ENTPD1: variants seen among roughly 807,000 people sequenced by gnomAD.
ENTPD1 encodes ATP diphosphohydrolase.
A neutral mutation model predicts 57.0 loss-of-function variants in ENTPD1; 33 were observed. The observed-to-expected ratio is 0.58, with a 90% CI of 0.44 to 0.77. The LOEUF (loss-of-function observed/expected upper bound fraction) is 0.77. Among genes scored for constraint, ENTPD1 ranks in the 30% least tolerant of loss-of-function variants. The probability of loss-of-function intolerance (pLI) is 0.00; values close to 1 mark genes in which losing one functional copy is unlikely to be tolerated. For missense variants in ENTPD1, 501 were observed against 603.4 expected (o/e 0.83, Z 1.78); for synonymous variants, 202 against 218.8 (o/e 0.92, Z 0.68).
chr10:95,859,272 G>C (rs1267435418), intron 7 of ENTPD1, among the ~76,000 whole-genome samples: 5 of 152,178 alleles, frequency 3.3e-5, no homozygotes, highest in Admixed American at 2.0e-4. Flanking sequence ...TCATCTCTGA[G>C]TCACAGTGAG....
At chr10:95,809,487 G>T (rs1196828209) in intron 1 of ENTPD1, among the ~76,000 whole-genome samples, 1 of 138,902 alleles carries the variant, frequency 7.2e-6, no homozygotes, top group Non-Finnish European at 1.6e-5. Context: ...GGGCGGCCGG[G>T]CAGAGGCACC....
At chr10:95,833,430 GT>G (rs1356805561) in intron 2 of ENTPD1, 75 of 152,290 alleles carry the variant, frequency 4.9e-4, no homozygotes, top group African/African-American at 1.8e-3. Flanking sequence ...AGCTAATCTG[GT>G]TTGTTTATAG....
intron 1 of ENTPD1, among the ~76,000 whole-genome samples, chr10:95,819,175 T>C (rs2098340005): frequency 6.6e-6 from 1 of 152,178 alleles, no homozygotes; most frequent in East Asian, 1.9e-4. Flanking sequence ...TTTGTTTGTT[T>C]GTTTTGGAGA....
chr10:95,821,996 CT>C (rs71034351), intron 1 of ENTPD1, among the ~76,000 whole-genome samples: 441 of 92,906 alleles, frequency 4.7e-3, no homozygotes, highest in African/African-American at 8.4e-3. Context: ...TAGCTTTTGC[CT>C]TTTTTTTTTT....
At position 95,873,222 on chromosome 10, in the gene ENTPD1, T is replaced by A. The variant is rs1029773261; in HGVS notation, c.*6839T>A. The A allele has an allele frequency of 1.0e-6, 1 of 985,310 alleles. No individual in the cohort carries two copies. Among genetic ancestry groups the A allele is most frequent in the Non-Finnish European group, 1.2e-6 (1 of 829,926 alleles). 61.0% of individuals were successfully genotyped at this position (985,310 alleles called of 1,614,324 possible). ...ATTCCAAAGAGTTTCTTTTACAGGCTCTCAGATCAGTGTTCATCCACTACC... is the reference window on the plus strand; with the variant it reads ...ATTCCAAAGAGTTTCTTTTACAGGCACTCAGATCAGTGTTCATCCACTACC... On this transcript the variant is annotated 3_prime_UTR_variant, in exon 10 of 10. Transcript: ENST00000371205.
In ENTPD1 at chr10:95,823,298, C is replaced by T; in HGVS notation, c.78C>T (p.Ile26=). The part of the protein sequence containing the change: ...NILAILGFSS[I]IAVIALLAVG... ...TAGCCATCCTTGGCTTCTCCTCTAT[C>T]ATAGCTGTGATAGCTTTGCTTGCTG... The change falls in exon 2 of 10, where the codon ATC becomes ATT. Residue 26 remains isoleucine (I), a synonymous_variant. Coordinates refer to ENST00000371205, the MANE Select transcript of ENTPD1 (RefSeq NM_001776.6). The T allele has an allele frequency of 6.8e-6, 11 of 1,614,194 alleles. No individual in the cohort carries two copies. The highest frequency in any genetic ancestry group is 9.3e-6 in the Non-Finnish European group (11 of 1,180,026).
intron 1 of ENTPD1, among the ~76,000 whole-genome samples, chr10:95,789,748 C>T (rs552599746): frequency 5.3e-5 from 8 of 152,246 alleles, no homozygotes; most frequent in Admixed American, 2.0e-4. Context: ...CCATGCATGA[C>T]ACCACTTACA....
intron 4 of ENTPD1, among the ~76,000 whole-genome samples, chr10:95,842,998 T>C (rs2098425710): frequency 6.6e-6 from 1 of 152,246 alleles, no homozygotes; most frequent in Non-Finnish European, 1.5e-5. Flanking sequence ...TCAGTTTCAA[T>C]GCAGGGTGAT....
chr10:95,822,603 C>T (rs1437384275), intron 1 of ENTPD1, among the ~76,000 whole-genome samples: 1 of 152,186 alleles, frequency 6.6e-6, no homozygotes, highest in Non-Finnish European at 1.5e-5. Flanking sequence ...CCACTTTTGC[C>T]TTTTATATAA....
intron 1 of ENTPD1, among the ~76,000 whole-genome samples, chr10:95,800,883 T>G (rs1025940942): frequency 2.6e-5 from 4 of 152,166 alleles, no homozygotes; most frequent in Non-Finnish European, 4.4e-5. Context: ...TTTGTACAGT[T>G]AACACAATCA....
chr10:95,696,697 T>A, the ENTPD1 span, among the ~76,000 whole-genome samples: 1 of 152,238 alleles, frequency 6.6e-6, no homozygotes, highest in African/African-American at 2.4e-5. Flanking sequence ...TTTATTCACA[T>A]GTGTCATGCA....
intron 7 of ENTPD1, among the ~76,000 whole-genome samples, chr10:95,849,343 C>A (rs1206100219): frequency 6.6e-6 from 1 of 152,190 alleles, no homozygotes; most frequent in Non-Finnish European, 1.5e-5. Flanking sequence ...TATATTATCT[C>A]ATTTATTCAT....
intron 1 of ENTPD1, among the ~76,000 whole-genome samples, chr10:95,776,414 A>G (rs2098134218): frequency 6.6e-6 from 1 of 152,186 alleles, no homozygotes; most frequent in African/African-American, 2.4e-5. Flanking sequence ...GTTTGGCTGG[A>G]TATGAAATTA....
intron 2 of ENTPD1, among the ~76,000 whole-genome samples, chr10:95,830,760 G>A (rs552067564): frequency 2.6e-5 from 4 of 152,136 alleles, no homozygotes; most frequent in South Asian, 4.1e-4. Flanking sequence ...CTGAGATCAC[G>A]CCACTGTACT....
At chr10:95,744,285 T>G (rs1328674217) in intron 1 of ENTPD1, among the ~76,000 whole-genome samples, 1 of 151,854 alleles carries the variant, frequency 6.6e-6, no homozygotes, top group African/African-American at 2.4e-5. Flanking sequence ...GGAGACAGAG[T>G]AATGTACTTT....
In ENTPD1 at chr10:95,813,515, C is replaced by T. The variant is rs140007432; in HGVS notation, c.17-9722C>T. Among the ~76,000 whole-genome samples the T allele has an allele frequency of 3.1e-4, 47 of 152,216 alleles. 1 individual carries two copies. In the East Asian group the frequency reaches 8.3e-3, roughly 27 times the overall value. On this transcript the variant is annotated intron_variant, in intron 1 of 9. Transcript: ENST00000371205. ...AAAAGATGGGGCAGCATCAGGGAGT[C>T]GGTTGATATCAGTGGTGGAGCCTTT...
At chr10:95,763,116 G>C (rs981735929) in intron 1 of ENTPD1, among the ~76,000 whole-genome samples, 10 of 151,644 alleles carry the variant, frequency 6.6e-5, no homozygotes, top group Middle Eastern at 3.4e-3. Flanking sequence ...GTTATGACGG[G>C]GTTTCACCAT....
intron 1 of ENTPD1, among the ~76,000 whole-genome samples, chr10:95,815,026 C>A (rs1375505504): frequency 6.6e-6 from 1 of 152,044 alleles, no homozygotes; most frequent in Non-Finnish European, 1.5e-5. Flanking sequence ...AGTTGTGTTT[C>A]TATTGATGTT....
rs2098480912 is a variant in ENTPD1 at position 95,871,926 on chromosome 10, G to A, written c.*5543G>A. The A allele has an allele frequency of 8.1e-6, 8 of 985,348 alleles. No homozygotes were observed. Among genetic ancestry groups the A allele is most frequent in the Non-Finnish European group, 9.6e-6 (8 of 829,914 alleles). 61.0% of individuals were successfully genotyped at this position (985,348 alleles called of 1,614,324 possible). On this transcript the variant is annotated 3_prime_UTR_variant, in exon 10 of 10. Coordinates refer to ENST00000371205, the MANE Select transcript of ENTPD1 (RefSeq NM_001776.6). Reference sequence around the variant, plus strand: ...GAAAAAGTCTTGGGAGCTAGTCAGGGAATAGTGTGTATTTGCAATTACCTA... The same window carrying A: ...GAAAAAGTCTTGGGAGCTAGTCAGGAAATAGTGTGTATTTGCAATTACCTA...
Sources: allele counts gnomAD v4.1 joint callset (sites outside exome capture counted in the v4.1 genomes callset), GRCh38; gene constraint gnomAD v4.1.1; transcripts MANE v1.5; gene names NCBI Gene and HGNC (gene_info 2026-07-23, HGNC 2026-07-21).